The following NRG1 variants were observed in gnomAD, a reference collection of about 807,000 sequenced individuals.
NRG1 encodes neuregulin 1.
A neutral mutation model predicts 63.8 loss-of-function variants in NRG1; 18 were observed. That is an observed-to-expected ratio of 0.28 (90% CI 0.19 to 0.42). NRG1 has a LOEUF of 0.42. NRG1 is among the 10% of genes least tolerant of loss of function. NRG1 has a pLI of 1.00. For synonymous variants in NRG1, 302 were observed against 301.3 expected (o/e 1.00, Z -0.02); for missense variants, 762 against 814.7 (o/e 0.94, Z 0.79).
rs150444989 is a variant in NRG1 at position 32,156,315 on chromosome 8, T to C, written c.38-439513T>C. On this transcript the variant is annotated intron_variant, in intron 1 of 10. Transcript: ENST00000519301. ...GAGCAGCCTTCTCAGCCTCCCTGGGTCAGTTCCCTCCATCATGCACCATCA... is the reference window on the plus strand; with the variant it reads ...GAGCAGCCTTCTCAGCCTCCCTGGGCCAGTTCCCTCCATCATGCACCATCA... 2.3e-3 allele frequency among the ~76,000 whole-genome samples: 350 copies of C among 152,320 alleles called. 1 individual carries two copies. Among genetic ancestry groups the C allele is most frequent in the African/African-American group, 8.2e-3 (342 of 41,578 alleles).
At chr8:32,489,198 G>A (rs1826250970) in intron 1 of NRG1, among the ~76,000 whole-genome samples, 1 of 152,080 alleles carries the variant, frequency 6.6e-6, no homozygotes, top group Non-Finnish European at 1.5e-5. Context: ...TAGTGCTTGG[G>A]AAGTGAGCAT....
intron 1 of NRG1, among the ~76,000 whole-genome samples, chr8:32,415,019 T>G (rs1395529004): frequency 6.6e-6 from 1 of 152,164 alleles, no homozygotes; most frequent in African/African-American, 2.4e-5. Flanking sequence ...AAGTCACATG[T>G]TAATTAGTGG....
intron 5 of NRG1, among the ~76,000 whole-genome samples, chr8:32,625,879 G>A (rs1014257259): frequency 4.8e-5 from 7 of 145,364 alleles, no homozygotes; most frequent in East Asian, 2.1e-4. Flanking sequence ...CTGCAACCTC[G>A]GCCTCCCGGG....
intron 1 of NRG1, among the ~76,000 whole-genome samples, chr8:31,967,373 AC>A (rs1806526237): frequency 6.6e-6 from 1 of 151,770 alleles, no homozygotes; most frequent in African/African-American, 2.4e-5. Flanking sequence ...AGAAAAGGAG[AC>A]CTCTATAGTA....
intron 1 of NRG1, among the ~76,000 whole-genome samples, chr8:31,695,083 A>G (rs1809918031): frequency 6.6e-6 from 1 of 152,218 alleles, no homozygotes; most frequent in South Asian, 2.1e-4. Context: ...ACTTACAAGC[A>G]TGGCAGAAGG....
intron 1 of NRG1, among the ~76,000 whole-genome samples, chr8:32,246,542 A>G (rs1351510): frequency 0.75 from 113,490 of 152,134 alleles, 43,423 homozygotes; most frequent in African/African-American, 0.91. Flanking sequence ...ATCCTTTGTT[A>G]AGACAAAGCA....
At chr8:32,070,944 G>C (rs1244468501) in intron 1 of NRG1, among the ~76,000 whole-genome samples, 1 of 152,104 alleles carries the variant, frequency 6.6e-6, no homozygotes, top group Admixed American at 6.6e-5. Flanking sequence ...CCTCACCTCA[G>C]CTTCACCGTG....
upstream of NRG1, chr8:32,548,145 C>A: frequency 1.1e-6 from 1 of 893,282 alleles, no homozygotes; most frequent in Non-Finnish European, 1.3e-6. Context: ...GCGCCGAGCC[C>A]AGGCTCCTCC....
At chr8:32,368,289 C>G (rs1340161647) in intron 1 of NRG1, among the ~76,000 whole-genome samples, 1 of 152,108 alleles carries the variant, frequency 6.6e-6, no homozygotes, top group African/African-American at 2.4e-5. Context: ...CTTCTAGGGT[C>G]TGGGTGTGGT....
chr8:31,976,075 T>C (rs141737180), intron 1 of NRG1, among the ~76,000 whole-genome samples: 105 of 152,280 alleles, frequency 6.9e-4, no homozygotes, highest in African/African-American at 2.5e-3. Flanking sequence ...ATTAAATGGC[T>C]GTAAAGTGAC....
chr8:31,677,901 A>G (rs1484912019), intron 1 of NRG1, among the ~76,000 whole-genome samples: 1 of 152,012 alleles, frequency 6.6e-6, no homozygotes, highest in African/African-American at 2.4e-5. Flanking sequence ...TTTGTTTTCA[A>G]ATATTCTCTT....
chr8:32,593,854 CAAA>C (rs11444147), intron 1 of NRG1, among the ~76,000 whole-genome samples: 1,044 of 97,056 alleles, frequency 0.011, 11 homozygotes, highest in African/African-American at 0.039. Context: ...TTCAAGGTGT[CAAA>C]AAAAAAAAAA....
chr8:32,717,820 G>C (rs568090684), intron 5 of NRG1, among the ~76,000 whole-genome samples: 1 of 152,244 alleles, frequency 6.6e-6, no homozygotes, highest in South Asian at 2.1e-4. Context: ...TGTTCAAAGA[G>C]GCCTGGCTCA....
intron 1 of NRG1, among the ~76,000 whole-genome samples, chr8:32,595,224 C>G (rs1181142222): frequency 6.6e-6 from 1 of 151,990 alleles, no homozygotes; most frequent in African/African-American, 2.4e-5. Context: ...GAATCTCACT[C>G]TGTCACCCAG....
At chr8:31,905,145 G>C (rs184498544) in intron 1 of NRG1, among the ~76,000 whole-genome samples, 1 of 152,078 alleles carries the variant, frequency 6.6e-6, no homozygotes, top group African/African-American at 2.4e-5. Flanking sequence ...AAAGCATAGA[G>C]TCCCAGAGAG....
intron 1 of NRG1, among the ~76,000 whole-genome samples, chr8:31,858,336 A>G (rs1828136220): frequency 6.6e-6 from 1 of 152,228 alleles, no homozygotes; most frequent in South Asian, 2.1e-4. Context: ...GAAGAACTCA[A>G]CGTTGACCAT....
intron 1 of NRG1, among the ~76,000 whole-genome samples, chr8:32,534,794 A>T (rs1245395622): frequency 6.6e-6 from 1 of 152,126 alleles, no homozygotes; most frequent in Non-Finnish European, 1.5e-5. Context: ...GGCTCAATTT[A>T]TCTAAATTGG....
chr8:31,857,520 C>T (rs1287036630), intron 1 of NRG1, among the ~76,000 whole-genome samples: 2 of 152,142 alleles, frequency 1.3e-5, no homozygotes, highest in African/African-American at 2.4e-5. Flanking sequence ...TCTGGCACTC[C>T]CTAGTGAGAT....
chr8:31,720,797 T>C (rs537912747), intron 1 of NRG1, among the ~76,000 whole-genome samples: 5 of 152,314 alleles, frequency 3.3e-5, no homozygotes, highest in African/African-American at 1.2e-4. Context: ...TATGCTTCTT[T>C]TCTCCTCACC....
Sources: gnomAD v4.1 joint callset for allele counts (sites outside exome capture counted in the v4.1 genomes callset) on GRCh38, gnomAD v4.1.1 for gene constraint, MANE v1.5 for transcripts, NCBI Gene and HGNC (gene_info 2026-07-23, HGNC 2026-07-21) for gene names.